Variants in SMCHD1 observed in about 807,000 individuals in gnomAD.
SMCHD1 encodes structural maintenance of chromosomes flexible hinge domain-containing protein 1.
Under a neutral mutation model 254.7 loss-of-function variants are expected in SMCHD1, and 78 were observed. The observed-to-expected ratio is 0.31, with a 90% CI of 0.26 to 0.37. The LOEUF is 0.37. SMCHD1 is among the 10% of genes least tolerant of loss of function. The probability of loss-of-function intolerance (pLI) is 1.00; values close to 1 mark genes in which losing one functional copy is unlikely to be tolerated. For missense variants in SMCHD1, 1,840 were observed against 2,408.1 expected (o/e 0.76, Z 4.94); for synonymous variants, 766 against 794.9 (o/e 0.96, Z 0.61).
intron 39 of SMCHD1, 100 bp downstream of exon 39, chr18:2,770,208 A>G (rs1261156868): frequency 1.7e-6 from 2 of 1,199,600 alleles, no homozygotes; most frequent in Non-Finnish European, 2.3e-6. Context: ...CTAAATTACA[A>G]GTAAAATACA....
At chr18:2,725,078 G>A in intron 21 of SMCHD1, 83 bp downstream of exon 21, 2 of 834,250 alleles carry the variant, frequency 2.4e-6, no homozygotes, top group East Asian at 3.0e-5. Context: ...ATGAAAAGTG[G>A]AATGACCTAT....
At chr18:2,728,431 T>C (rs571444272) in intron 22 of SMCHD1, 26 bp from the exon 23 acceptor site, 17 of 1,607,502 alleles carry the variant, frequency 1.1e-5, no homozygotes. Flanking sequence ...CCTGAATATG[T>C]ATTTCATTGT....
chr18:2,756,252 G>A (rs1393255084), intron 34 of SMCHD1, among the ~76,000 whole-genome samples: 3 of 152,104 alleles, frequency 2.0e-5, no homozygotes, highest in Non-Finnish European at 4.4e-5. Flanking sequence ...TTTATATATC[G>A]ATGGAGGTGT....
At chr18:2,779,857 G>C (rs2076125685) in intron 44 of SMCHD1, among the ~76,000 whole-genome samples, 1 of 151,948 alleles carries the variant, frequency 6.6e-6, no homozygotes, top group Non-Finnish European at 1.5e-5. Context: ...AAAGAGGTGG[G>C]GGATTTGTCC....
At chr18:2,750,744 T>C (rs901074914) in intron 32 of SMCHD1, among the ~76,000 whole-genome samples, 1 of 152,146 alleles carries the variant, frequency 6.6e-6, no homozygotes, top group African/African-American at 2.4e-5. Context: ...TACATAGTTT[T>C]AAGTAGTGAA....
At chr18:2,742,868 G>A (rs1489697145) in intron 28 of SMCHD1, among the ~76,000 whole-genome samples, 1 of 152,008 alleles carries the variant, frequency 6.6e-6, no homozygotes, top group Non-Finnish European at 1.5e-5. Context: ...GTAGAGACGG[G>A]GTCTTACTGT....
At chr18:2,686,299 T>G (rs746866892) in intron 5 of SMCHD1, among the ~76,000 whole-genome samples, 10 of 152,210 alleles carry the variant, frequency 6.6e-5, no homozygotes, top group Non-Finnish European at 1.5e-4. Flanking sequence ...GCTGGAACAT[T>G]TCAGATGTTG....
intron 10 of SMCHD1, among the ~76,000 whole-genome samples, chr18:2,698,605 C>T (rs937647029): frequency 6.6e-6 from 1 of 152,090 alleles, no homozygotes; most frequent in Admixed American, 6.6e-5. Context: ...TGGCCTGAAA[C>T]AATCCTCCTG....
intron 34 of SMCHD1, among the ~76,000 whole-genome samples, chr18:2,755,143 C>G (rs1291736019): frequency 2.0e-5 from 3 of 152,086 alleles, no homozygotes. Context: ...TAGCCTTGAC[C>G]TCCCAGGCTC....
In SMCHD1 at chr18:2,694,692, G is replaced by A. The variant is rs776944618; in HGVS notation, c.1039G>A (p.Ala347Thr). 1.1e-4 allele frequency: 175 copies of A among 1,609,632 alleles called. No homozygotes were observed. Among genetic ancestry groups the A allele is most frequent in the Non-Finnish European group, 1.4e-4 (168 of 1,178,662 alleles). The change falls in exon 8 of 48, where the codon GCG (alanine) becomes ACG (threonine). Residue 347 changes from alanine (A) to threonine (T), a missense_variant and splice_region_variant. This residue lies in a region of SMCHD1 where 498 missense variants were observed against 743.5 expected (regional missense o/e 0.67). Coordinates refer to ENST00000320876, the MANE Select transcript of SMCHD1 (RefSeq NM_015295.3). ...TTTCCACCTTTGGACACGACAGTTA[G>A]CGTAAGTAATTATATTTGGCTTAGG... is the stretch of plus-strand genomic sequence containing the variant. ...NYFHLWTRQL[A>T]HIYHYYIHGP...
chr18:2,673,293 C>G lies in SMCHD1; in HGVS notation c.437C>G (p.Ala146Gly), dbSNP rs886043899. 1 of 1,591,624 alleles carries G rather than the reference C, an allele frequency of 6.3e-7. No individual in the cohort carries two copies. The highest frequency in any genetic ancestry group is 8.6e-7 in the Non-Finnish European group (1 of 1,164,418). Residue 146 changes from alanine (A) to glycine (G), a missense_variant, in exon 4 of 48, where the codon GCG (alanine) becomes GGG (glycine). By Grantham distance (60) the Ala-to-Gly change is moderately conservative. Coordinates refer to ENST00000320876, the MANE Select transcript of SMCHD1 (RefSeq NM_015295.3). ...TGATCTCTTGCAGCATTTGCTCTTG[C>G]GGAATTAATTGACAATTCATTGTCT... Reference protein sequence around the residue: ...EGQNPLPFALAELIDNSLSAT... With the variant: ...EGQNPLPFALGELIDNSLSAT...
At chr18:2,686,418 G>A (rs1267371360) in intron 5 of SMCHD1, among the ~76,000 whole-genome samples, 2 of 152,124 alleles carry the variant, frequency 1.3e-5, no homozygotes, top group Non-Finnish European at 2.9e-5. Context: ...TTTGGATAAG[G>A]GGCACTCAAA....
intron 37 of SMCHD1, among the ~76,000 whole-genome samples, chr18:2,764,488 C>G (rs758346785): frequency 5.9e-5 from 9 of 152,062 alleles, no homozygotes; most frequent in Non-Finnish European, 1.0e-4. Flanking sequence ...AAATTTAGTT[C>G]TTTTCTAAAG....
intron 7 of SMCHD1, among the ~76,000 whole-genome samples, chr18:2,691,080 TTTTC>T (rs2074168914): frequency 6.6e-6 from 1 of 152,200 alleles, no homozygotes; most frequent in African/African-American, 2.4e-5. Context: ...CATTACTTTC[TTTTC>T]TTTGTTTCAT....
intron 12 of SMCHD1, 62 bp downstream of exon 12, chr18:2,700,980 G>A: frequency 8.2e-7 from 1 of 1,216,940 alleles, no homozygotes. Flanking sequence ...AGTAAAAGAA[G>A]ACACTAGCAG....
Position 2,700,229 on chromosome 18 carries a change from A to AT in SMCHD1, c.1343-310_1343-309insT, listed in dbSNP as rs149885198. Among the ~76,000 whole-genome samples the AT allele has an allele frequency of 3.5e-4, 54 of 152,338 alleles. No homozygotes were observed. In the East Asian group the frequency reaches 9.6e-3, roughly 27 times the overall value. ...ACGGGATTTAAGCTCCTATATTTGT[A>AT]GGAAGGAGGGATTTTGTTATAGGGG... On this transcript the variant is annotated intron_variant, in intron 10 of 47. Transcript: ENST00000320876.
Position 2,655,785 on chromosome 18 carries a change from A to C in SMCHD1, c.-291A>C. ...CCGTGAGGCTCGCGTGGGCGGCGATAGGCGCTGGGCCCGGGCCCGGTGAGG... is the reference window on the plus strand; with the variant it reads ...CCGTGAGGCTCGCGTGGGCGGCGATCGGCGCTGGGCCCGGGCCCGGTGAGG... On this transcript the variant is annotated 5_prime_UTR_variant, in exon 1 of 48. Transcript: ENST00000320876. The C allele has an allele frequency of 7.8e-6, 2 of 255,044 alleles. No homozygotes were observed. The highest frequency in any genetic ancestry group is 7.4e-6 in the Non-Finnish European group (1 of 135,190). The allele number at this position is 255,044 out of a possible 1,614,324, so 15.8% of individuals were successfully genotyped here.
intron 8 of SMCHD1, among the ~76,000 whole-genome samples, chr18:2,695,457 G>T (rs185705439): frequency 1.3e-5 from 2 of 151,884 alleles, no homozygotes; most frequent in Admixed American, 1.3e-4. Context: ...TTACAGGCGC[G>T]TGCCACCACA....
At chr18:2,722,733 AT>A (rs912517382) in intron 20 of SMCHD1, 70 bp downstream of exon 20, 235 of 1,390,904 alleles carry the variant, frequency 1.7e-4, no homozygotes, top group South Asian at 3.5e-4. Context: ...TTTCAGCTTC[AT>A]TTTTTTTGTG....
Sources: allele counts gnomAD v4.1 joint callset (sites outside exome capture counted in the v4.1 genomes callset), GRCh38; gene constraint gnomAD v4.1.1; regional missense constraint gnomAD v4.1.1; transcripts MANE v1.5; gene names NCBI Gene and HGNC (gene_info 2026-07-23, HGNC 2026-07-21).